DNAH10: variants seen among roughly 807,000 people sequenced by gnomAD.
DNAH10 encodes the protein dynein axonemal heavy chain 10, also known as axonemal beta dynein heavy chain 10.
In DNAH10, 348 loss-of-function variants were observed where a neutral mutation model predicts 506.6. The observed-to-expected ratio is 0.69, with a 90% CI of 0.63 to 0.75. DNAH10 has a LOEUF of 0.75. DNAH10 is among the 30% of genes least tolerant of loss of function. DNAH10 has a pLI of 0.00. For missense variants in DNAH10, 5,179 were observed against 5,787.1 expected (o/e 0.89, Z 3.41); for synonymous variants, 2,059 against 2,198.6 (o/e 0.94, Z 1.78).
intron 6 of DNAH10, 88 bp downstream of exon 6, chr12:123,781,387 CT>C: frequency 7.9e-7 from 1 of 1,265,744 alleles, no homozygotes; most frequent in Non-Finnish European, 1.1e-6. Context: ...GCCTGGCTAA[CT>C]TTTGGAACAT....
In DNAH10 at chr12:123,835,479, T is replaced by C; in HGVS notation, c.4853T>C (p.Leu1618Pro). 1 of 1,608,708 alleles carries C rather than the reference T, an allele frequency of 6.2e-7. No individual in the cohort carries two copies. Among genetic ancestry groups the C allele is most frequent in the South Asian group, 1.1e-5 (1 of 89,802 alleles). The change falls in exon 28 of 79, where the codon CTT becomes CCT. Residue 1618 changes from leucine to proline, a missense_variant. Coordinates refer to ENST00000673944, the MANE Select transcript of DNAH10 (RefSeq NM_001372106.1). ...IFIGGDIRSQ[L>P]PEEAKKFDNI... ...ATTGGTGGAGATATAAGATCACAAC[T>C]TCCGGAAGAGGCAAAAAAGTTTGAC...
intron 40 of DNAH10, among the ~76,000 whole-genome samples, chr12:123,865,476 G>GTACAAATTATCTGTACAAATT (rs1951769860): frequency 6.6e-6 from 1 of 152,062 alleles, no homozygotes; most frequent in South Asian, 2.1e-4. Flanking sequence ...ATTATTATCT[G>GTACAAATTATCTGTACAAATT]ATTAGCTGAC....
Position 123,907,018 on chromosome 12 carries a change from G to A in DNAH10, c.9816-2243G>A, listed in dbSNP as rs188538406. On this transcript the variant is annotated intron_variant, in intron 57 of 78. Transcript: ENST00000673944. The surrounding 1 kb of genome is among the most constrained non-coding windows in gnomAD (Gnocchi z 4.4). ...TTCATTCAGTAGTCAGTGGGTGTCT[G>A]TCCCCCACCCCACCCCTGCCCTGAG... 1.3e-5 allele frequency among the ~76,000 whole-genome samples: 2 copies of A among 152,344 alleles called. No homozygotes were observed. The highest frequency in any genetic ancestry group is 4.8e-5 in the African/African-American group (2 of 41,588).
intron 39 of DNAH10, among the ~76,000 whole-genome samples, chr12:123,863,742 A>G (rs1385326923): frequency 6.6e-6 from 1 of 152,228 alleles, no homozygotes; most frequent in Non-Finnish European, 1.5e-5. Flanking sequence ...GCGTTTGCAA[A>G]GGCCTTTCTC....
Position 123,835,437 on chromosome 12 carries a change from A to G in DNAH10, c.4811A>G (p.Tyr1604Cys), listed in dbSNP as rs1012069684. 6.2e-6 allele frequency: 10 copies of G among 1,610,908 alleles called. No individual in the cohort carries two copies. In the African/African-American group the frequency reaches 6.7e-5, roughly 11 times the overall value. Residue 1604 changes from tyrosine to cysteine, a missense_variant, in exon 28 of 79, where the codon TAT becomes TGT. Tyr to Cys is a radical substitution (Grantham distance 194). Coordinates refer to ENST00000673944, the MANE Select transcript of DNAH10 (RefSeq NM_001372106.1). ...ATGTTGGTTCAGAGAAAATGGATGT[A>G]TCTTGAAAGTATTTTTATTGGTGGA... ...IWMLVQRKWM[Y>C]LESIFIGGDI...
intron 19 of DNAH10, among the ~76,000 whole-genome samples, chr12:123,811,925 A>T (rs762575150): frequency 1.3e-5 from 2 of 151,990 alleles, no homozygotes; most frequent in Non-Finnish European, 2.9e-5. Context: ...GTGCGAGCCA[A>T]CGCGCCCCGC....
Position 123,928,556 on chromosome 12 carries a change from TCC to T in DNAH10, c.12278_12279del (p.Pro4093HisfsTer72). On this transcript the variant is annotated frameshift_variant, in exon 70 of 79. Transcript: ENST00000673944. LOFTEE classifies it high-confidence loss of function. This position sits in a 1 kb window ranked among gnomAD's most constrained non-coding sequence, Gnocchi z 4.9. ...CTCACCACGGACCCCACCAAGGGCTTCCCCATTGGGATTCTGCAGAAGTCCCT... is the reference window on the plus strand; with the variant it reads ...CTCACCACGGACCCCACCAAGGGCTTCCATTGGGATTCTGCAGAAGTCCCT... 1 of 1,608,386 alleles carries T rather than the reference TCC, an allele frequency of 6.2e-7. No individual in the cohort carries two copies. Among genetic ancestry groups the T allele is most frequent in the Non-Finnish European group, 8.5e-7 (1 of 1,177,440 alleles).
At chr12:123,765,024 T>C (rs1034619988) in intron 1 of DNAH10, among the ~76,000 whole-genome samples, 4 of 152,110 alleles carry the variant, frequency 2.6e-5, no homozygotes, top group Admixed American at 2.6e-4. Flanking sequence ...GGACAGGTGG[T>C]TCTGGTCTGT....
At chr12:123,765,115 T>C (rs777304346) in intron 1 of DNAH10, among the ~76,000 whole-genome samples, 1 of 151,888 alleles carries the variant, frequency 6.6e-6, no homozygotes, top group Non-Finnish European at 1.5e-5. Flanking sequence ...GGTCAAGATT[T>C]CTCTCTGCTC....
chr12:123,891,885 G>A (rs535525583), intron 52 of DNAH10, among the ~76,000 whole-genome samples: 1 of 152,308 alleles, frequency 6.6e-6, no homozygotes, highest in South Asian at 2.1e-4. Context: ...CCAGTCTCAA[G>A]TCTCAGAGTC....
chr12:123,909,395 A>G lies in DNAH10; in HGVS notation c.9950A>G (p.Glu3317Gly). 2 of 1,610,078 alleles carry G rather than the reference A, an allele frequency of 1.2e-6. No homozygotes were observed. Among genetic ancestry groups the G allele is most frequent in the South Asian group, 2.2e-5 (2 of 90,170 alleles). The change falls in exon 58 of 79, where the codon GAG (glutamate) becomes GGG (glycine). Residue 3317 changes from glutamate to glycine, a missense_variant. Coordinates refer to ENST00000673944, the MANE Select transcript of DNAH10 (RefSeq NM_001372106.1). The surrounding 1 kb of genome is among the most constrained non-coding windows in gnomAD (Gnocchi z 5.4). ...SDPNFLRSLMEIDFDSITQSQ... is the reference protein window; with the variant it reads ...SDPNFLRSLMGIDFDSITQSQ... Reference sequence around the variant, plus strand: ...CCGAATTTCCTGCGGTCTCTGATGGAGATTGATTTTGATTCGATTACCCAG... The same window carrying G: ...CCGAATTTCCTGCGGTCTCTGATGGGGATTGATTTTGATTCGATTACCCAG...
Position 123,925,099 on chromosome 12 carries a change from A to T in DNAH10, c.11816A>T (p.Asp3939Val). The change falls in exon 68 of 79, where the codon GAT (aspartate) becomes GTT (valine). Residue 3939 changes from aspartate to valine, a missense_variant. Around this residue, in one of 3 missense-constraint regions of DNAH10, gnomAD observed 4,844 missense variants for 5,430.5 expected, o/e 0.89. Coordinates refer to ENST00000673944, the MANE Select transcript of DNAH10 (RefSeq NM_001372106.1). The surrounding 1 kb of genome is among the most constrained non-coding windows in gnomAD (Gnocchi z 4.0). ...LEQFPVPLGY[D>V]NNITPFQKLL... ...CAGTTTCCCGTCCCCTTGGGTTACG[A>T]TAACAACATCACCCCTTTCCAGAAG... The T allele has an allele frequency of 6.2e-7, 1 of 1,614,032 alleles. No homozygotes were observed. Among genetic ancestry groups the T allele is most frequent in the Non-Finnish European group, 8.5e-7 (1 of 1,179,892 alleles).
chr12:123,921,067 C>T lies in DNAH10; in HGVS notation c.11506+2118C>T, dbSNP rs116008147. On this transcript the variant is annotated intron_variant, in intron 65 of 78. Transcript: ENST00000673944. ...GGATTAGAAGCATAAGCCACCGTGT[C>T]TGCCCCACCCCTTGCATTTATCTGT... Among the ~76,000 whole-genome samples the T allele has an allele frequency of 3.6e-3, 553 of 152,350 alleles. 2 individuals carry two copies. Among genetic ancestry groups the T allele is most frequent in the African/African-American group, 0.013 (533 of 41,580 alleles).
intron 44 of DNAH10, 117 bp downstream of exon 44, chr12:123,870,602 G>C: frequency 7.1e-7 from 1 of 1,402,634 alleles, no homozygotes; most frequent in Non-Finnish European, 9.5e-7. Flanking sequence ...CAGAGAGCTG[G>C]TAGAGAAGAA....
In DNAH10 at chr12:123,898,657, G is replaced by C; in HGVS notation, c.9483G>C (p.Gln3161His). 1.9e-6 allele frequency: 3 copies of C among 1,576,842 alleles called. No homozygotes were observed. Among genetic ancestry groups the C allele is most frequent in the Non-Finnish European group, 2.6e-6 (3 of 1,161,316 alleles). ...LDEKTQCNIA[Q>H]CKRLDGGLDK... The stretch of plus-strand genomic sequence containing the variant: ...ATAGGTGCCCTCTTTCCTCAGCTCA[G>C]TGCAAGCGTCTGGATGGGGGACTGG... Residue 3161 changes from glutamine to histidine, a missense_variant, in exon 56 of 79, where the codon CAG becomes CAC. Transcript: ENST00000673944.
chr12:123,835,385 T>C, intron 27 of DNAH10, 21 bp from the exon 28 acceptor site: 1 of 1,611,596 alleles, frequency 6.2e-7, no homozygotes, highest in South Asian at 1.1e-5. Flanking sequence ...CTGCTGACAC[T>C]GACCTTTTGT....
chr12:123,784,582 A>T (rs1957780887), intron 8 of DNAH10, among the ~76,000 whole-genome samples: 1 of 152,182 alleles, frequency 6.6e-6, no homozygotes, highest in Non-Finnish European at 1.5e-5. Flanking sequence ...TTGTGATAAA[A>T]TAGACATGAC....
chr12:123,913,999 C>T lies in DNAH10; in HGVS notation c.10353-330C>T, dbSNP rs1035693912. Reference sequence around the variant, plus strand: ...TGAGGCCAGAACTTGTTAGCTCTGCCGGGCTGATTTATATGTCTTTGATTA... The same window carrying T: ...TGAGGCCAGAACTTGTTAGCTCTGCTGGGCTGATTTATATGTCTTTGATTA... On this transcript the variant is annotated intron_variant, in intron 60 of 78. Transcript: ENST00000673944. The surrounding 1 kb of genome is among the most constrained non-coding windows in gnomAD (Gnocchi z 5.1). Among the ~76,000 whole-genome samples the T allele has an allele frequency of 5.3e-5, 8 of 152,114 alleles. No homozygotes were observed. The highest frequency in any genetic ancestry group is 1.9e-4 in the African/African-American group (8 of 41,414).
In DNAH10 at chr12:123,866,401, G is replaced by A. The variant is rs907623092; in HGVS notation, c.7167+328G>A. ...TGGGACTACAGGCGCCCGCCACCAC[G>A]ACCGGCTAATTTTTTGTATTTTTAG... On this transcript the variant is annotated intron_variant, in intron 41 of 78. Coordinates refer to ENST00000673944, the MANE Select transcript of DNAH10 (RefSeq NM_001372106.1). Among the ~76,000 whole-genome samples the A allele has an allele frequency of 8.6e-5, 13 of 151,328 alleles. No homozygotes were observed. In the East Asian group the frequency reaches 2.1e-3, roughly 25 times the overall value.
Sources: allele counts gnomAD v4.1 joint callset (sites outside exome capture counted in the v4.1 genomes callset), GRCh38; gene constraint gnomAD v4.1.1; regional missense constraint gnomAD v4.1.1; non-coding constraint Gnocchi (gnomAD v3.1); transcripts MANE v1.5; gene names NCBI Gene and HGNC (gene_info 2026-07-23, HGNC 2026-07-21).